KRT37: variants seen among roughly 807,000 people sequenced by gnomAD.
The protein encoded by KRT37 is keratin, type I cuticular Ha7.
A neutral mutation model predicts 41.9 loss-of-function variants in KRT37; 38 were observed. That is an observed-to-expected ratio of 0.91 (90% confidence interval 0.70 to 1.19). The LOEUF is 1.19. KRT37 is among the 50% of genes most tolerant of loss of function. The probability of loss-of-function intolerance (pLI) is 0.00; values close to 1 mark genes in which losing one functional copy is unlikely to be tolerated. For missense variants in KRT37, 580 were observed against 575.5 expected (o/e 1.01, Z -0.08); for synonymous variants, 252 against 243.4 (o/e 1.04, Z -0.33).
In KRT37 at chr17:41,421,592, A is replaced by C. The variant is rs1241119771; in HGVS notation, c.1021-5T>G. On this transcript the variant is annotated splice_region_variant and splice_polypyrimidine_tract_variant and intron_variant, in intron 5 of 6. Transcript: ENST00000225550. ...GGAGTTCTGCAGACAGTCCTTCTGT[A>C]ATGGGAAATAATGGGGTAAGAGATC... 6.2e-7 allele frequency: 1 copy of C among 1,612,140 alleles called. No homozygotes were observed. The highest frequency in any genetic ancestry group is 8.5e-7 in the Non-Finnish European group (1 of 1,178,390).
Position 41,423,544 on chromosome 17 carries a change from A to G in KRT37, c.575+218T>C, listed in dbSNP as rs547079922. 4 of 559,062 alleles carry G rather than the reference A, an allele frequency of 7.2e-6. No individual in the cohort carries two copies. The South Asian group carries it at 1.0e-4, about 15-fold the overall frequency. The allele number at this position is 559,062 out of a possible 1,614,324, so 34.6% of individuals were successfully genotyped here. ...GAGAAAGTGACATAGGTTCTAACCA[A>G]TCTAGACTACAGCCCTTCTTTTTCT... On this transcript the variant is annotated intron_variant, in intron 2 of 6. Coordinates refer to ENST00000225550, the MANE Select transcript of KRT37 (RefSeq NM_003770.5).
chr17:41,421,116 C>G (rs2018533592), intron 6 of KRT37, 130 bp from the exon 7 acceptor site: 1 of 786,278 alleles, frequency 1.3e-6, no homozygotes, highest in African/African-American at 1.7e-5. Flanking sequence ...ACCAACAGTT[C>G]TCTCATCTGT....
At chr17:41,423,736 C>G (rs1163244369) in intron 2 of KRT37, 26 bp downstream of exon 2, 1 of 1,606,392 alleles carries the variant, frequency 6.2e-7, no homozygotes. Flanking sequence ...AGAGAAGTCA[C>G]ACTGACCCTC....
chr17:41,422,705 A>G (rs997380017), intron 3 of KRT37, 73 bp downstream of exon 3: 2 of 1,394,770 alleles, frequency 1.4e-6, no homozygotes, highest in African/African-American at 2.8e-5. Flanking sequence ...CAATGCTCTG[A>G]GAGCCCCAGG....
intron 5 of KRT37, among the ~76,000 whole-genome samples, 172 bp from the exon 6 acceptor site, chr17:41,421,759 T>C (rs901942621): frequency 6.6e-6 from 1 of 152,162 alleles, no homozygotes; most frequent in Non-Finnish European, 1.5e-5. Context: ...TGCACACAAA[T>C]CTAACTTAAG....
intron 2 of KRT37, chr17:41,423,515 A>G: frequency 2.1e-6 from 1 of 470,034 alleles, no homozygotes; most frequent in Non-Finnish European, 3.7e-6. Flanking sequence ...TCTTCTAGAT[A>G]TGGGAGAAAG....
intron 2 of KRT37, among the ~76,000 whole-genome samples, 197 bp from the exon 3 acceptor site, chr17:41,423,131 A>C (rs7214394): frequency 0.11 from 16,777 of 152,266 alleles, 2,226 homozygotes; most frequent in African/African-American, 0.32. Context: ...GAGGCTCAGA[A>C]ACAAAACACG....
In KRT37 at chr17:41,421,439, A is replaced by ACGTGAAG; in HGVS notation, c.1168_1169insCTTCACG (p.Leu390ProfsTer92). Reference sequence around the variant, plus strand: ...CTCCAACCGGGCCTTCACGTCCAGCAGCACCTGGTACTCCTGGTTCTGCCG... The same window carrying ACGTGAAG: ...CTCCAACCGGGCCTTCACGTCCAGCACGTGAAGGCACCTGGTACTCCTGGTTCTGCCG... On this transcript the variant is annotated frameshift_variant, in exon 6 of 7. Coordinates refer to ENST00000225550, the MANE Select transcript of KRT37 (RefSeq NM_003770.5). LOFTEE classifies it high-confidence loss of function. The ACGTGAAG allele has an allele frequency of 5.6e-6, 9 of 1,614,226 alleles. No homozygotes were observed. Among genetic ancestry groups the ACGTGAAG allele is most frequent in the Non-Finnish European group, 7.6e-6 (9 of 1,180,042 alleles).
At position 41,420,920 on chromosome 17, in the gene KRT37, G is replaced by C. The variant is rs147477038; in HGVS notation, c.1308C>G (p.Thr436=). 5.4e-5 allele frequency: 87 copies of C among 1,613,882 alleles called. No individual in the cohort carries two copies. In the South Asian group the frequency reaches 9.4e-4, roughly 18 times the overall value. The part of the protein sequence containing the change: ...CTSCPSCGPV[T]GGSPSGHGAS... ...CTCCATGGCCAGAGGGAGACCCACCGGTGACAGGGCCACAGCTTGGACAAG... is the reference window on the plus strand; with the variant it reads ...CTCCATGGCCAGAGGGAGACCCACCCGTGACAGGGCCACAGCTTGGACAAG... The change falls in exon 7 of 7, where the codon ACC becomes ACG. Residue 436 remains threonine, a synonymous_variant. Coordinates refer to ENST00000225550, the MANE Select transcript of KRT37 (RefSeq NM_003770.5).
rs770142196 is a variant in KRT37, at chr17:41,424,197, C to T, written c.327G>A (p.Lys109=). ...AGTTGGCCAGGCGGTCATTCAGGAA[C>T]TTCATGGTCTCCTTCTCATGGCCAT... ...TLNGHEKETM[K]FLNDRLANYL... Residue 109 remains lysine (K), a synonymous_variant, in exon 1 of 7, where the codon AAG becomes AAA. Transcript: ENST00000225550. The T allele has an allele frequency of 3.1e-6, 5 of 1,614,122 alleles. No individual in the cohort carries two copies. The highest frequency in any genetic ancestry group is 4.2e-6 in the Non-Finnish European group (5 of 1,180,050).
Position 41,424,351 on chromosome 17 carries a change from C to T in KRT37, c.173G>A (p.Gly58Glu), listed in dbSNP as rs150111043. 3.4e-5 allele frequency: 55 copies of T among 1,614,084 alleles called. No individual in the cohort carries two copies. The highest frequency in any genetic ancestry group is 5.0e-5 in the Admixed American group (3 of 60,024). The change falls in exon 1 of 7, where the codon GGG becomes GAG. Residue 58 changes from glycine (G) to glutamate (E), a missense_variant. Transcript: ENST00000225550. Reference sequence around the variant, plus strand: ...GCTGGGGCGGCCCAGGGGAGTCGACCCCACACGGACTCTGTTGGCGTGTGC... The same window carrying T: ...GCTGGGGCGGCCCAGGGGAGTCGACTCCACACGGACTCTGTTGGCGTGTGC... ...NVAHANRVRVGSTPLGRPSLC... is the reference protein window; with the variant it reads ...NVAHANRVRVESTPLGRPSLC...
At position 41,422,120 on chromosome 17, in the gene KRT37, C is replaced by T. The variant is rs2018547258; in HGVS notation, c.969G>A (p.Leu323=). 2 of 1,614,216 alleles carry T rather than the reference C, an allele frequency of 1.2e-6. No individual in the cohort carries two copies. The highest frequency in any genetic ancestry group is 1.7e-6 in the Non-Finnish European group (2 of 1,180,038). Residue 323 remains leucine (L), a synonymous_variant, in exon 5 of 7, where the codon CTG becomes CTA. Coordinates refer to ENST00000225550, the MANE Select transcript of KRT37 (RefSeq NM_003770.5). The stretch of plus-strand genomic sequence containing the variant: ...CCTCCAGGGCATTCACCGTGCATCT[C>T]AGCTCCAGGATCTCCGACTGGCAGC... The part of the protein sequence containing the change: ...LQCCQSEILE[L]RCTVNALEVE...
Position 41,424,541 on chromosome 17 carries a change from G to A in KRT37, c.-18C>T. On this transcript the variant is annotated 5_prime_UTR_variant, in exon 1 of 7. Coordinates refer to ENST00000225550, the MANE Select transcript of KRT37 (RefSeq NM_003770.5). ...GAGGTCATGGTGTAGGGCTGAGGCT[G>A]CACAGGAGCTTCAGATCAGCTGGGA... is the stretch of plus-strand genomic sequence containing the variant. 1 of 1,541,204 alleles carries A rather than the reference G, an allele frequency of 6.5e-7. No individual in the cohort carries two copies.
At chr17:41,422,965 G>C in intron 2 of KRT37, 31 bp from the exon 3 acceptor site, 1 of 1,600,156 alleles carries the variant, frequency 6.2e-7, no homozygotes, top group Middle Eastern at 1.7e-4. Flanking sequence ...GGGTCAAAAA[G>C]AATGCCCCAA....
chr17:41,421,964 T>C (rs775241663), intron 5 of KRT37, 105 bp downstream of exon 5: 5 of 1,579,456 alleles, frequency 3.2e-6, no homozygotes, highest in Admixed American at 1.7e-5. Flanking sequence ...GGACCCCAGA[T>C]CTTGACTTAA....
chr17:41,422,756 G>C lies in KRT37; in HGVS notation c.732+22C>G, dbSNP rs371404278. On this transcript the variant is annotated intron_variant, in intron 3 of 6. Transcript: ENST00000225550. The stretch of plus-strand genomic sequence containing the variant: ...TGTCTGCCCAGCGCCCTCCCCAGGA[G>C]TCTGAGCAGCCAGGGCCACACCTGC... 9.1e-6 allele frequency: 14 copies of C among 1,544,438 alleles called. 1 individual carries two copies. The African/African-American group carries it at 1.5e-4, about 16-fold the overall frequency.
rs752252571 is a variant in KRT37, at chr17:41,423,863, C to T, written c.493-19G>A. On this transcript the variant is annotated intron_variant, in intron 1 of 6. Coordinates refer to ENST00000225550, the MANE Select transcript of KRT37 (RefSeq NM_003770.5). ...ACAGGATCTGAGGAAAACGGAAAGA[C>T]GGTTCACACACAAAGCACCATACTC... 44 of 1,613,570 alleles carry T rather than the reference C, an allele frequency of 2.7e-5. No homozygotes were observed. Among genetic ancestry groups the T allele is most frequent in the East Asian group, 8.9e-5 (4 of 44,888 alleles).
intron 5 of KRT37, 122 bp from the exon 6 acceptor site, chr17:41,421,709 T>G: frequency 2.2e-6 from 2 of 917,984 alleles, no homozygotes; most frequent in Non-Finnish European, 3.3e-6. Flanking sequence ...CTCAGAGCTC[T>G]GGAGAAATCA....
At position 41,424,020 on chromosome 17, in the gene KRT37, C is replaced by T. The variant is rs1373262474; in HGVS notation, c.492+12G>A. Reference sequence around the variant, plus strand: ...CTCAGACCCAGCATGCCCAGGCGATCCCACACCTCACCTTCTGCTGGAGCT... The same window carrying T: ...CTCAGACCCAGCATGCCCAGGCGATTCCACACCTCACCTTCTGCTGGAGCT... On this transcript the variant is annotated intron_variant, in intron 1 of 6. Transcript: ENST00000225550. 2 of 1,610,764 alleles carry T rather than the reference C, an allele frequency of 1.2e-6. No individual in the cohort carries two copies. Among genetic ancestry groups the T allele is most frequent in the Admixed American group, 1.7e-5 (1 of 59,934 alleles).
Sources: gnomAD v4.1 joint callset for allele counts (sites outside exome capture counted in the v4.1 genomes callset) on GRCh38, gnomAD v4.1.1 for gene constraint, MANE v1.5 for transcripts, NCBI Gene and HGNC (gene_info 2026-07-23, HGNC 2026-07-21) for gene names.